ELP2: variants seen among roughly 807,000 people sequenced by gnomAD.
ELP2 encodes the protein elongator complex protein 2.
In ELP2, 90 loss-of-function variants were observed where a neutral mutation model predicts 119.2. The observed-to-expected ratio is 0.75, with a 90% CI of 0.64 to 0.90. ELP2 has a LOEUF of 0.90. Ranked by LOEUF, ELP2 falls within the 40% of genes least tolerant of loss-of-function variation. The pLI, the probability that ELP2 is intolerant of heterozygous loss-of-function variation, is 0.00. For missense variants in ELP2, 921 were observed against 967.8 expected (o/e 0.95, Z 0.64); for synonymous variants, 339 against 331.0 (o/e 1.02, Z -0.26).
At position 36,129,924 on chromosome 18, in the gene ELP2, A is replaced by T. The variant is rs891337307; in HGVS notation, c.-10A>T. 1 of 1,614,196 alleles carries T rather than the reference A, an allele frequency of 6.2e-7. No individual in the cohort carries two copies. The highest frequency in any genetic ancestry group is 2.2e-5 in the East Asian group (1 of 44,880). On this transcript the variant is annotated 5_prime_UTR_variant, in exon 1 of 22. Transcript: ENST00000358232. ...GCGTCTCTTGTTTGTGCGGCTGACC[A>T]GTTGGCGACATGGTGGCACCCGTGC... is the stretch of plus-strand genomic sequence containing the variant.
At chr18:36,142,418 T>C (rs2090063145) in intron 7 of ELP2, 71 bp downstream of exon 7, 2 of 1,296,840 alleles carry the variant, frequency 1.5e-6, no homozygotes, top group East Asian at 4.6e-5. Flanking sequence ...AAGCAGCCTT[T>C]TTTGTTTTAA....
chr18:36,139,064 T>C (rs2089931558), intron 5 of ELP2, among the ~76,000 whole-genome samples, 192 bp downstream of exon 5: 1 of 152,206 alleles, frequency 6.6e-6, no homozygotes, highest in African/African-American at 2.4e-5. Context: ...GGGGGGCTTA[T>C]TAGGATTTTG....
rs2090198881 is a variant in ELP2 at position 36,146,314 on chromosome 18, G to T, written c.1058G>T (p.Gly353Val). ...GFYDCQFNED[G>V]SMIIAHAFHG... Reference sequence around the variant, plus strand: ...TATGATTGCCAGTTCAATGAAGATGGCTCCATGATCATTGCTCATGCTTTC... The same window carrying T: ...TATGATTGCCAGTTCAATGAAGATGTCTCCATGATCATTGCTCATGCTTTC... The change falls in exon 11 of 22, where the codon GGC becomes GTC. Residue 353 changes from glycine (G) to valine (V), a missense_variant. Coordinates refer to ENST00000358232, the MANE Select transcript of ELP2 (RefSeq NM_018255.4). 1 of 1,613,924 alleles carries T rather than the reference G, an allele frequency of 6.2e-7. No individual in the cohort carries two copies. Among genetic ancestry groups the T allele is most frequent in the South Asian group, 1.1e-5 (1 of 91,084 alleles).
intron 6 of ELP2, among the ~76,000 whole-genome samples, chr18:36,141,739 C>T (rs1453729492): frequency 6.8e-6 from 1 of 147,674 alleles, no homozygotes; most frequent in Non-Finnish European, 1.5e-5. Flanking sequence ...GTCTCCTAGG[C>T]TGGTGCAGTG....
intron 4 of ELP2, 113 bp downstream of exon 4, chr18:36,138,539 C>T (rs1359653456): frequency 2.5e-6 from 3 of 1,199,764 alleles, no homozygotes; most frequent in East Asian, 2.5e-5. Flanking sequence ...TTTAAAAATA[C>T]TATAATTCTA....
Position 36,171,048 on chromosome 18 carries a change from T to C in ELP2, c.2212T>C (p.Tyr738His). The C allele has an allele frequency of 6.2e-7, 1 of 1,604,022 alleles. No homozygotes were observed. Among genetic ancestry groups the C allele is most frequent in the Non-Finnish European group, 8.5e-7 (1 of 1,170,746 alleles). The change falls in exon 21 of 22, where the codon TAC (tyrosine) becomes CAC (histidine). Residue 738 changes from tyrosine to histidine, a missense_variant and splice_region_variant. Physicochemically the swap from Tyr to His is moderately conservative, Grantham distance 83. Coordinates refer to ENST00000358232, the MANE Select transcript of ELP2 (RefSeq NM_018255.4). ...GTTGTCCCCCTCCCTTAAAAACAGA[T>C]ACGTGGTTGCAGTAGGATTGGAGTG... ...VCPVLHPSQR[Y>H]VVAVGLECGK...
chr18:36,172,780 G>A (rs778147245), intron 21 of ELP2, among the ~76,000 whole-genome samples: 1 of 152,226 alleles, frequency 6.6e-6, no homozygotes, highest in Non-Finnish European at 1.5e-5. Flanking sequence ...CTTAGAAAGT[G>A]CAGGAAGGGA....
At chr18:36,163,832 T>G (rs2090815040) in intron 17 of ELP2, among the ~76,000 whole-genome samples, 1 of 152,174 alleles carries the variant, frequency 6.6e-6, no homozygotes, top group Non-Finnish European at 1.5e-5. Flanking sequence ...CATACTCTGT[T>G]AGTAACGATA....
Position 36,154,847 on chromosome 18 carries a change from CAG to C in ELP2, c.1130_1131del, listed in dbSNP as rs2090511001. On this transcript the variant is annotated splice_acceptor_variant, in intron 11 of 21. Transcript: ENST00000358232. LOFTEE classifies it high-confidence loss of function. ...ATATGTGATATGAGCACTTCCATTG[CAG>C]AGAGAGTGGACTCCAGAGATTGTCA... 1.7e-5 allele frequency: 27 copies of C among 1,613,862 alleles called. No homozygotes were observed. Among genetic ancestry groups the C allele is most frequent in the Non-Finnish European group, 2.2e-5 (26 of 1,179,986 alleles).
chr18:36,141,243 T>C (rs1288498099), intron 6 of ELP2, 42 bp downstream of exon 6: 3 of 1,451,834 alleles, frequency 2.1e-6, no homozygotes, highest in Non-Finnish European at 2.9e-6. Context: ...ATATTCTGCT[T>C]AGTTATATCT....
intron 9 of ELP2, 112 bp from the exon 10 acceptor site, chr18:36,145,836 A>G (rs962421659): frequency 3.3e-6 from 3 of 901,626 alleles, no homozygotes; most frequent in Non-Finnish European, 5.6e-6. Context: ...GCTATTACAA[A>G]TAATGTGCAG....
rs754605479 is a variant in ELP2 at position 36,146,291 on chromosome 18, T to C, written c.1035T>C (p.Tyr345=). 7.7e-5 allele frequency: 124 copies of C among 1,614,050 alleles called. No individual in the cohort carries two copies. The highest frequency in any genetic ancestry group is 9.3e-5 in the Non-Finnish European group (110 of 1,180,012). The change falls in exon 11 of 22, where the codon TAT becomes TAC. Residue 345 remains tyrosine (Y), a synonymous_variant. Coordinates refer to ENST00000358232, the MANE Select transcript of ELP2 (RefSeq NM_018255.4). ...GEVGGNTLGF[Y]DCQFNEDGSM... is the part of the protein sequence containing the mutation. ...TAGGTGGGAATACTTTGGGATTTTA[T>C]GATTGCCAGTTCAATGAAGATGGCT...
rs1320858180 is a variant in ELP2, at chr18:36,142,954, A to G, written c.784A>G (p.Ile262Val). The G allele has an allele frequency of 3.8e-6, 6 of 1,585,332 alleles. No individual in the cohort carries two copies. The Admixed American group carries it at 1.0e-4, about 27-fold the overall frequency. Residue 262 changes from isoleucine (I) to valine (V), a missense_variant, in exon 8 of 22, where the codon ATA becomes GTA. Ile to Val is a conservative substitution (Grantham distance 29). Coordinates refer to ENST00000358232, the MANE Select transcript of ELP2 (RefSeq NM_018255.4). The stretch of plus-strand genomic sequence containing the variant: ...AAGACTGAAAGAAAATACTTTTACC[A>G]TAGAAAATGAAAGTGAGTAATAATG... ...NIRLKENTFTIENESVKIAFA... is the reference protein window; with the variant it reads ...NIRLKENTFTVENESVKIAFA...
In ELP2 at chr18:36,131,426, G is replaced by A. The variant is rs74896245; in HGVS notation, c.138+1355G>A. Among the ~76,000 whole-genome samples the A allele has an allele frequency of 6.5e-3, 995 of 152,338 alleles. 16 individuals carry two copies. The highest frequency in any genetic ancestry group is 0.023 in the African/African-American group (942 of 41,576). On this transcript the variant is annotated intron_variant, in intron 1 of 21. Coordinates refer to ENST00000358232, the MANE Select transcript of ELP2 (RefSeq NM_018255.4). ...CTCCCACAGCGTCTCCTCATCCAGC[G>A]CCGTGAGCGCGGAGCCTTGCGGCAT... is the stretch of plus-strand genomic sequence containing the variant.
Position 36,175,140 on chromosome 18 carries a change from T to G in ELP2, c.*499T>G, listed in dbSNP as rs1041394483. On this transcript the variant is annotated 3_prime_UTR_variant, in exon 22 of 22. Coordinates refer to ENST00000358232, the MANE Select transcript of ELP2 (RefSeq NM_018255.4). ...TTTTGCACATATGTTCAGAGATTCC[T>G]AGACCTGCAGACCTGCCTCTGTGTG... 1.0e-4 allele frequency: 16 copies of G among 153,874 alleles called. No individual in the cohort carries two copies. The highest frequency in any genetic ancestry group is 3.6e-4 in the African/African-American group (15 of 41,590). 9.5% of individuals were successfully genotyped at this position (153,874 alleles called of 1,614,324 possible).
At chr18:36,174,229 AAAC>A (rs2091166337) in intron 21 of ELP2, among the ~76,000 whole-genome samples, 1 of 151,898 alleles carries the variant, frequency 6.6e-6, no homozygotes, top group Admixed American at 6.6e-5. Context: ...GTTTTTTTTT[AAAC>A]AACATTTGAC....
At chr18:36,150,001 G>T (rs1030621649) in intron 11 of ELP2, among the ~76,000 whole-genome samples, 17 of 152,110 alleles carry the variant, frequency 1.1e-4, no homozygotes, top group African/African-American at 3.9e-4. Context: ...TTCTGTTCTG[G>T]TTTTTTTATG....
intron 5 of ELP2, among the ~76,000 whole-genome samples, chr18:36,140,607 A>G (rs1385549659): frequency 2.6e-5 from 4 of 152,134 alleles, no homozygotes; most frequent in African/African-American, 4.8e-5. Flanking sequence ...TCAGCCTCCC[A>G]AAGGATAACG....
At chr18:36,143,086 A>G (rs1297396507) in intron 8 of ELP2, 120 bp downstream of exon 8, 1 of 731,332 alleles carries the variant, frequency 1.4e-6, no homozygotes, top group African/African-American at 1.9e-5. Flanking sequence ...TCCTACCTGA[A>G]ATTTCTTTTT....
Sources: allele counts gnomAD v4.1 joint callset (sites outside exome capture counted in the v4.1 genomes callset), GRCh38; gene constraint gnomAD v4.1.1; transcripts MANE v1.5; gene names NCBI Gene and HGNC (gene_info 2026-07-23, HGNC 2026-07-21).